LMBR1: variants seen among roughly 807,000 people sequenced by gnomAD.
LMBR1 encodes the protein limb development membrane protein 1, also known as limb region 1 protein homolog.
In LMBR1, 52 loss-of-function variants were observed where a neutral mutation model predicts 73.9. That is an observed-to-expected ratio of 0.70 (90% CI 0.56 to 0.89). LMBR1 has a LOEUF of 0.89. Among genes scored for constraint, LMBR1 ranks in the 40% least tolerant of loss-of-function variants. The probability of loss-of-function intolerance (pLI) is 0.00; values close to 1 mark genes in which losing one functional copy is unlikely to be tolerated. For missense variants in LMBR1, 539 were observed against 579.8 expected, an observed-to-expected ratio of 0.93 and a Z score of 0.72; for synonymous variants, 215 against 209.4, an observed-to-expected ratio of 1.03 and a Z score of -0.23.
intron 1 of LMBR1, among the ~76,000 whole-genome samples, chr7:156,868,371 CCTT>C (rs1296085342): frequency 6.6e-6 from 1 of 151,870 alleles, no homozygotes; most frequent in Non-Finnish European, 1.5e-5. Flanking sequence ...GGAAAGGAAA[CCTT>C]CTAAAGACTT....
downstream of LMBR1, chr7:156,676,338 A>G (rs1467663372): frequency 1.2e-6 from 2 of 1,613,222 alleles, no homozygotes; most frequent in Non-Finnish European, 8.5e-7. Flanking sequence ...CTCGGGGCAC[A>G]TGGTTCGCAT....
rs573551765 is a variant in LMBR1, at chr7:156,886,937, C to T, written c.66+5991G>A. ...CTGAGGCGTGTCAGATGTCCCATCC[C>T]ATTCTGGTTGGGAATTCAGTTTTTA... On this transcript the variant is annotated intron_variant, in intron 1 of 16. Transcript: ENST00000353442. 3.3e-5 allele frequency among the ~76,000 whole-genome samples: 5 copies of T among 152,156 alleles called. No homozygotes were observed. The South Asian group carries it at 1.0e-3, about 32-fold the overall frequency.
intron 1 of LMBR1, among the ~76,000 whole-genome samples, chr7:156,881,570 T>C (rs1484260044): frequency 6.6e-6 from 1 of 152,128 alleles, no homozygotes; most frequent in Non-Finnish European, 1.5e-5. Flanking sequence ...ATCTACAAAC[T>C]GTATATCTGA....
At chr7:156,693,208 A>T (rs542274013) in intron 15 of LMBR1, among the ~76,000 whole-genome samples, 38 of 152,302 alleles carry the variant, frequency 2.5e-4, no homozygotes, top group Non-Finnish European at 5.1e-4. Context: ...AAAATCTTTC[A>T]AATATGATGA....
intron 10 of LMBR1, among the ~76,000 whole-genome samples, chr7:156,732,111 C>T (rs185622625): frequency 6.6e-6 from 1 of 152,032 alleles, no homozygotes; most frequent in African/African-American, 2.4e-5. Flanking sequence ...AAGAACATAA[C>T]ACTGGACTTC....
At chr7:156,763,576 C>T (rs1823529006) in intron 6 of LMBR1, 93 bp downstream of exon 6, 7 of 1,105,820 alleles carry the variant, frequency 6.3e-6, no homozygotes, top group Non-Finnish European at 8.8e-6. Context: ...GTTAACTACA[C>T]AAAGATTTAA....
downstream of LMBR1, chr7:156,676,113 C>A: frequency 1.2e-6 from 1 of 835,916 alleles, no homozygotes; most frequent in Non-Finnish European, 1.8e-6. Flanking sequence ...TAGGACTTTC[C>A]TCATGGGCTT....
chr7:156,671,348 A>G (rs1802461851), intron 4 of LMBR1, among the ~76,000 whole-genome samples: 1 of 152,210 alleles, frequency 6.6e-6, no homozygotes, highest in African/African-American at 2.4e-5. Context: ...GAGTGTGGTA[A>G]CATATTATAT....
chr7:156,849,434 A>T (rs1364404122), intron 1 of LMBR1, among the ~76,000 whole-genome samples: 1 of 152,164 alleles, frequency 6.6e-6, no homozygotes, highest in African/African-American at 2.4e-5. Context: ...TAATCTGTAC[A>T]CCAAACCCCT....
chr7:156,709,745 C>T (rs1585303820), intron 15 of LMBR1, among the ~76,000 whole-genome samples: 1 of 152,176 alleles, frequency 6.6e-6, no homozygotes, highest in South Asian at 2.1e-4. Flanking sequence ...ATGAACTAGT[C>T]TACCCAAATG....
At chr7:156,867,066 A>C (rs932535430) in intron 1 of LMBR1, among the ~76,000 whole-genome samples, 4 of 152,242 alleles carry the variant, frequency 2.6e-5, no homozygotes, top group African/African-American at 9.6e-5. Flanking sequence ...CTTACAACTC[A>C]ATAATAAAAA....
chr7:156,733,943 TTGAACCTG>T lies in LMBR1; in HGVS notation c.838+226_838+233del, dbSNP rs981994409. 10 of 326,610 alleles carry T rather than the reference TTGAACCTG, an allele frequency of 3.1e-5. No homozygotes were observed. In the Middle Eastern group the frequency reaches 2.7e-3, roughly 88 times the overall value. 20.2% of individuals were successfully genotyped at this position (326,610 alleles called of 1,614,324 possible). On this transcript the variant is annotated intron_variant, in intron 10 of 16. Transcript: ENST00000353442. ...GTGAGAAGGCAATGGAGCAACATCT[TTGAACCTG>T]TGAACCTTTGAAAAGTCATTTTGTA...
chr7:156,745,349 A>G (rs545388742), intron 9 of LMBR1, among the ~76,000 whole-genome samples: 49 of 152,128 alleles, frequency 3.2e-4, no homozygotes, highest in Non-Finnish European at 6.0e-4. Flanking sequence ...GGTCTTCTTC[A>G]CTGAACCTTA....
intron 15 of LMBR1, among the ~76,000 whole-genome samples, chr7:156,717,973 T>C (rs1199397993): frequency 6.6e-6 from 1 of 152,240 alleles, no homozygotes; most frequent in Non-Finnish European, 1.5e-5. Context: ...GGATCTCTAA[T>C]TTTTAGTATT....
At chr7:156,727,345 G>A (rs1815971127) in intron 12 of LMBR1, among the ~76,000 whole-genome samples, 1 of 152,110 alleles carries the variant, frequency 6.6e-6, no homozygotes, top group Non-Finnish European at 1.5e-5. Context: ...ATACTATAGG[G>A]CTTGGGACTT....
At chr7:156,785,917 CCTAACA>C (rs1386580666) in intron 5 of LMBR1, among the ~76,000 whole-genome samples, 1 of 152,038 alleles carries the variant, frequency 6.6e-6, no homozygotes, top group African/African-American at 2.4e-5. Context: ...TCTACATGTC[CCTAACA>C]CTAACAATAG....
chr7:156,689,864 A>C (rs561061114), intron 15 of LMBR1, among the ~76,000 whole-genome samples: 47 of 152,376 alleles, frequency 3.1e-4, no homozygotes, highest in African/African-American at 1.1e-3. Flanking sequence ...TTTCAAATAC[A>C]GTACCATTTC....
chr7:156,798,299 A>C (rs1830388020), intron 4 of LMBR1, among the ~76,000 whole-genome samples: 1 of 152,220 alleles, frequency 6.6e-6, no homozygotes, highest in African/African-American at 2.4e-5. Flanking sequence ...ACAGCACCAG[A>C]GGCTACTAGT....
rs1332595781 is a variant in LMBR1, at chr7:156,824,113, AC to A, written c.319+2491del. Among the ~76,000 whole-genome samples the A allele has an allele frequency of 5.3e-5, 8 of 151,410 alleles. No homozygotes were observed. In the East Asian group the frequency reaches 1.5e-3, roughly 29 times the overall value. On this transcript the variant is annotated intron_variant, in intron 4 of 16. Transcript: ENST00000353442. ...TCAAAAAACAACAACAACAACAACAACAACAACAACAACAATATATATATAC... is the reference window on the plus strand; with the variant it reads ...TCAAAAAACAACAACAACAACAACAAAACAACAACAACAATATATATATAC...
Sources: allele counts gnomAD v4.1 joint callset (sites outside exome capture counted in the v4.1 genomes callset), GRCh38; gene constraint gnomAD v4.1.1; transcripts MANE v1.5; gene names NCBI Gene and HGNC (gene_info 2026-07-23, HGNC 2026-07-21).